ADAMTSL1: variants seen among roughly 807,000 people sequenced by gnomAD.
The protein encoded by ADAMTSL1 is ADAMTS like 1, also known as ADAMTS-like protein 1.
A neutral mutation model predicts 201.8 loss-of-function variants in ADAMTSL1; 126 were observed. That is an observed-to-expected ratio of 0.62 (90% CI 0.54 to 0.72). The LOEUF (loss-of-function observed/expected upper bound fraction) is 0.72. Among genes scored for constraint, ADAMTSL1 ranks in the 30% least tolerant of loss-of-function variants. ADAMTSL1 has a pLI of 0.00. For missense variants in ADAMTSL1, 2,679 were observed against 2,277.8 expected (o/e 1.18, Z -3.59); for synonymous variants, 1,121 against 903.4 (o/e 1.24, Z -4.32).
chr9:18,892,182 A>G (rs962524655), intron 25 of ADAMTSL1, among the ~76,000 whole-genome samples: 1 of 152,280 alleles, frequency 6.6e-6, no homozygotes, highest in Non-Finnish European at 1.5e-5. Flanking sequence ...ACCTTGCCAC[A>G]TAGCATTCAC....
intron 23 of ADAMTSL1, among the ~76,000 whole-genome samples, chr9:18,847,854 A>T (rs939702453): frequency 7.9e-5 from 12 of 152,370 alleles, no homozygotes; most frequent in African/African-American, 2.2e-4. Context: ...AAGGCCTTGT[A>T]AATGGTCACT....
chr9:18,513,716 C>T (rs1818179561), intron 2 of ADAMTSL1, among the ~76,000 whole-genome samples: 1 of 152,124 alleles, frequency 6.6e-6, no homozygotes, highest in African/African-American at 2.4e-5. Flanking sequence ...ATGTGGATAT[C>T]CAGTTTTCCC....
chr9:18,489,148 C>T (rs1333587019), intron 1 of ADAMTSL1, among the ~76,000 whole-genome samples: 1 of 152,152 alleles, frequency 6.6e-6, no homozygotes, highest in Non-Finnish European at 1.5e-5. Context: ...AATGTATAGA[C>T]AGAGTTGACA....
chr9:18,101,782 G>C (rs568187877), intron 1 of ADAMTSL1, among the ~76,000 whole-genome samples: 1 of 152,258 alleles, frequency 6.6e-6, no homozygotes, highest in East Asian at 1.9e-4. Context: ...GAATCCAGCC[G>C]GTCAGAAAAA....
intron 16 of ADAMTSL1, among the ~76,000 whole-genome samples, chr9:18,761,725 T>G (rs970975166): frequency 6.6e-6 from 1 of 152,250 alleles, no homozygotes; most frequent in Non-Finnish European, 1.5e-5. Context: ...TCACAGACTT[T>G]GGAGCCTTGA....
intron 2 of ADAMTSL1, among the ~76,000 whole-genome samples, chr9:18,297,122 G>C (rs949080783): frequency 6.6e-6 from 1 of 152,094 alleles, no homozygotes; most frequent in Non-Finnish European, 1.5e-5. Context: ...ACAGGGTCAC[G>C]ATTTTCCCAC....
At chr9:18,280,659 T>A (rs922075350) in intron 2 of ADAMTSL1, among the ~76,000 whole-genome samples, 3 of 152,188 alleles carry the variant, frequency 2.0e-5, no homozygotes, top group Non-Finnish European at 1.5e-5. Flanking sequence ...GGTTTTTAAT[T>A]ATTTGGCATT....
At position 18,777,782 on chromosome 9, in the gene ADAMTSL1, C is replaced by G. The variant is rs1175545511; in HGVS notation, c.3553C>G (p.Leu1185Val). The change falls in exon 19 of 29, where the codon CTG becomes GTG. Residue 1185 changes from leucine to valine, a missense_variant. Physicochemically the swap from Leu to Val is conservative, Grantham distance 32. Transcript: ENST00000380548. ...CTCAGCCTCGGAGGTGGTCACCCACCTGGGGCAGACGGTGGCCCTGGCCAG... is the reference window on the plus strand; with the variant it reads ...CTCAGCCTCGGAGGTGGTCACCCACGTGGGGCAGACGGTGGCCCTGGCCAG... The part of the protein sequence containing the change: ...QLSASEVVTH[L>V]GQTVALASGT... 6.2e-7 allele frequency: 1 copy of G among 1,613,788 alleles called. No homozygotes were observed. The highest frequency in any genetic ancestry group is 1.3e-5 in the African/African-American group (1 of 75,060).
intron 3 of ADAMTSL1, among the ~76,000 whole-genome samples, chr9:18,562,687 C>T (rs1452402385): frequency 6.6e-6 from 1 of 152,164 alleles, no homozygotes; most frequent in East Asian, 1.9e-4. Flanking sequence ...CACATAGTTC[C>T]ATATTTCTTG....
At chr9:18,032,936 A>G (rs531850174) in intron 1 of ADAMTSL1, among the ~76,000 whole-genome samples, 18 of 151,568 alleles carry the variant, frequency 1.2e-4, no homozygotes, top group Middle Eastern at 3.4e-3. Context: ...TGTCTGCATC[A>G]CCTCTCTATT....
At chr9:17,952,741 G>T (rs1319292913) in intron 1 of ADAMTSL1, among the ~76,000 whole-genome samples, 7 of 152,100 alleles carry the variant, frequency 4.6e-5, no homozygotes, top group Non-Finnish European at 7.4e-5. Flanking sequence ...TGGCCAGGCT[G>T]GTCTCGAACT....
chr9:18,072,319 A>G (rs1392537016), intron 1 of ADAMTSL1, among the ~76,000 whole-genome samples: 1 of 152,222 alleles, frequency 6.6e-6, no homozygotes, highest in Non-Finnish European at 1.5e-5. Flanking sequence ...AGCAACAGGA[A>G]TAAAACAAAG....
chr9:18,245,767 C>G (rs369663649), intron 2 of ADAMTSL1, among the ~76,000 whole-genome samples: 26 of 151,580 alleles, frequency 1.7e-4, no homozygotes, highest in African/African-American at 5.6e-4. Flanking sequence ...AAATTTTCTA[C>G]TCAGAATGAT....
At chr9:18,467,526 G>T (rs1243989521) in intron 2 of ADAMTSL1, among the ~76,000 whole-genome samples, 1 of 152,146 alleles carries the variant, frequency 6.6e-6, no homozygotes, top group Non-Finnish European at 1.5e-5. Flanking sequence ...GATATATAAT[G>T]CATTCAAATA....
intron 14 of ADAMTSL1, among the ~76,000 whole-genome samples, chr9:18,711,162 C>T (rs1832563674): frequency 6.6e-6 from 1 of 152,126 alleles, no homozygotes; most frequent in Non-Finnish European, 1.5e-5. Context: ...GTTGTAGGCA[C>T]CCACTGTATA....
intron 1 of ADAMTSL1, among the ~76,000 whole-genome samples, chr9:18,485,397 C>T (rs144236378): frequency 9.7e-4 from 147 of 152,312 alleles, no homozygotes; most frequent in African/African-American, 3.3e-3. Context: ...CATGGATTGG[C>T]CTGCTGTCTG....
At chr9:18,711,616 A>T (rs1437850300) in intron 14 of ADAMTSL1, among the ~76,000 whole-genome samples, 1 of 152,198 alleles carries the variant, frequency 6.6e-6, no homozygotes, top group Non-Finnish European at 1.5e-5. Context: ...AGTCTCGCTG[A>T]TTGCTAGCAC....
At chr9:18,248,260 G>A (rs1285112176) in intron 2 of ADAMTSL1, among the ~76,000 whole-genome samples, 1 of 152,162 alleles carries the variant, frequency 6.6e-6, no homozygotes, top group African/African-American at 2.4e-5. Flanking sequence ...CTGGAAGAGA[G>A]GAGGCTCACG....
At chr9:18,316,341 C>A (rs944452661) in intron 2 of ADAMTSL1, among the ~76,000 whole-genome samples, 8 of 152,112 alleles carry the variant, frequency 5.3e-5, no homozygotes, top group African/African-American at 1.9e-4. Context: ...GGAATTTCCT[C>A]TTCCTAATAA....
Sources: gnomAD v4.1 joint callset for allele counts (sites outside exome capture counted in the v4.1 genomes callset) on GRCh38, gnomAD v4.1.1 for gene constraint, MANE v1.5 for transcripts, NCBI Gene and HGNC (gene_info 2026-07-23, HGNC 2026-07-21) for gene names.